ZFHX3: variants seen among roughly 807,000 people sequenced by gnomAD.
ZFHX3 encodes zinc finger homeobox protein 3.
ZFHX3 carries 42 observed loss-of-function variants against 279.1 expected under a neutral mutation model. The ratio of observed to expected loss-of-function variants is 0.15; its 90% CI spans 0.12 to 0.19. The LOEUF is 0.19. Among genes scored for constraint, ZFHX3 ranks in the 10% least tolerant of loss-of-function variants. The probability of loss-of-function intolerance (pLI) is 1.00; values close to 1 mark genes in which losing one functional copy is unlikely to be tolerated. For synonymous variants in ZFHX3, 2,293 were observed against 1,957.8 expected, an observed-to-expected ratio of 1.17 and a Z score of -4.52; for missense variants, 4,981 against 4,754.0, an observed-to-expected ratio of 1.05 and a Z score of -1.40.
chr16:72,989,409 G>T (rs945595880), intron 1 of ZFHX3, among the ~76,000 whole-genome samples: 16 of 151,744 alleles, frequency 1.1e-4, no homozygotes, highest in Admixed American at 4.6e-4. Context: ...TTGAACCCAG[G>T]AGGTGGAAGT....
chr16:73,340,971 C>T (rs528964341), intron 3 of ZFHX3, among the ~76,000 whole-genome samples: 8 of 152,050 alleles, frequency 5.3e-5, no homozygotes, highest in Admixed American at 3.3e-4. Flanking sequence ...TCAAAAGATG[C>T]GTGACAAACA....
chr16:73,795,415 T>G (rs1290872126), intron 1 of ZFHX3, among the ~76,000 whole-genome samples: 1 of 152,146 alleles, frequency 6.6e-6, no homozygotes, highest in Non-Finnish European at 1.5e-5. Context: ...CTCAGGCAGG[T>G]TGCAAACGAG....
At chr16:73,055,686 GCGCGCGCGCGCGCA>G (rs1393636667) in intron 1 of ZFHX3, among the ~76,000 whole-genome samples, 316 of 94,602 alleles carry the variant, frequency 3.3e-3, no homozygotes, top group African/African-American at 0.01. Flanking sequence ...GTACGCGCGC[GCGCGCGCGCGCGCA>G]CACACACACA....
chr16:73,126,408 G>C (rs1005551728), intron 7 of ZFHX3, among the ~76,000 whole-genome samples: 4 of 152,144 alleles, frequency 2.6e-5, no homozygotes, highest in African/African-American at 9.7e-5. Context: ...GCTAGGGGAA[G>C]CACAACAGGA....
chr16:73,182,815 TC>T (rs1858264794), intron 5 of ZFHX3, among the ~76,000 whole-genome samples: 1 of 140,592 alleles, frequency 7.1e-6, no homozygotes, highest in African/African-American at 2.7e-5. Flanking sequence ...TGCTCTCACT[TC>T]TAAGTGAGAA....
intron 4 of ZFHX3, among the ~76,000 whole-genome samples, chr16:72,876,928 G>C (rs185963414): frequency 6.6e-6 from 1 of 152,270 alleles, no homozygotes; most frequent in African/African-American, 2.4e-5. Context: ...AAGGGGAACA[G>C]AGACTTGGCG....
intron 2 of ZFHX3, among the ~76,000 whole-genome samples, chr16:73,628,939 C>A (rs971835273): frequency 6.6e-6 from 1 of 152,142 alleles, no homozygotes; most frequent in Non-Finnish European, 1.5e-5. Context: ...GTGCACCAGG[C>A]AGGCCCTTGG....
chr16:73,687,397 T>C (rs2053100106), intron 1 of ZFHX3, among the ~76,000 whole-genome samples: 1 of 148,930 alleles, frequency 6.7e-6, no homozygotes, highest in Non-Finnish European at 1.5e-5. Context: ...AAAAAAAAAG[T>C]TTCCAAACGA....
At chr16:73,059,996 C>G (rs771622306), upstream of ZFHX3, among the ~76,000 whole-genome samples, 2 of 152,044 alleles carry the variant, frequency 1.3e-5, no homozygotes, top group South Asian at 2.1e-4. Flanking sequence ...CAACTTTCTA[C>G]CTTTCTGGAC....
At chr16:73,388,145 G>A (rs929590985) in intron 3 of ZFHX3, among the ~76,000 whole-genome samples, 1 of 152,110 alleles carries the variant, frequency 6.6e-6, no homozygotes, top group Non-Finnish European at 1.5e-5. Context: ...CCCTCTCCTT[G>A]GATGTGACAA....
At chr16:73,120,048 C>T (rs1441697210) in intron 7 of ZFHX3, among the ~76,000 whole-genome samples, 1 of 152,114 alleles carries the variant, frequency 6.6e-6, no homozygotes, top group East Asian at 1.9e-4. Context: ...GAGTCTACTC[C>T]TGAAAGTTCC....
In ZFHX3 at chr16:73,000,930, C is replaced by T. The variant is rs370962333; in HGVS notation, c.-49-40736G>A. On this transcript the variant is annotated intron_variant, in intron 1 of 9. Transcript: ENST00000268489. ...TGTTCCTGACACTTGAACAAACTGT[C>T]GCCTCACTCAGTCCTTATGATCCCT... Among the ~76,000 whole-genome samples, 24 of 152,314 alleles carry T rather than the reference C, an allele frequency of 1.6e-4. No individual in the cohort carries two copies. The East Asian group carries it at 4.3e-3, about 27-fold the overall frequency.
chr16:72,811,613 G>A lies in ZFHX3; in HGVS notation c.3828C>T (p.Ser1276=), dbSNP rs939051193. ...GCTTCTCCACGCAGTCAGGTGCCAC[G>A]CTGTGGAGGTGGGTGAGGTGCAGCT... The part of the protein sequence containing the change: ...HLQLHLTHLH[S]VAPDCVEKLI... Residue 1276 remains serine, a synonymous_variant, in exon 7 of 10, where the codon AGC becomes AGT. Transcript: ENST00000268489. 9 of 1,610,164 alleles carry A rather than the reference G, an allele frequency of 5.6e-6. No homozygotes were observed. The African/African-American group carries it at 6.7e-5, about 12-fold the overall frequency.
chr16:73,063,520 C>T (rs1597144597), upstream of ZFHX3, among the ~76,000 whole-genome samples: 2 of 152,184 alleles, frequency 1.3e-5, no homozygotes, highest in East Asian at 3.9e-4. Context: ...TAAGGTTAAG[C>T]CACTGTGCCC....
chr16:73,372,445 A>C (rs1386841250), intron 3 of ZFHX3, among the ~76,000 whole-genome samples: 2 of 152,226 alleles, frequency 1.3e-5, no homozygotes. Flanking sequence ...AACGTATTTG[A>C]ATTCCCCCAA....
intron 7 of ZFHX3, among the ~76,000 whole-genome samples, chr16:73,114,495 G>A (rs1272881934): frequency 6.6e-6 from 1 of 151,638 alleles, no homozygotes; most frequent in East Asian, 2.0e-4. Context: ...GGGCAACATA[G>A]TGAGACCCCC....
In ZFHX3 at chr16:73,463,806, C is replaced by T. The variant is rs570836343; in HGVS notation, c.-1546-7548G>A. ...TATGCAGTGCACTAAACAGAAGGGG[C>T]GTTCGTTACAGCAAGAGCAAGGGCA... On this transcript the variant is annotated intron_variant, in intron 2 of 17. Transcript: ENST00000641206. 3.3e-5 allele frequency among the ~76,000 whole-genome samples: 5 copies of T among 152,246 alleles called. No individual in the cohort carries two copies. In the East Asian group the frequency reaches 7.7e-4, roughly 24 times the overall value.
intron 7 of ZFHX3, among the ~76,000 whole-genome samples, chr16:73,097,187 G>A (rs1479385889): frequency 2.0e-5 from 3 of 151,626 alleles, no homozygotes; most frequent in Non-Finnish European, 4.4e-5. Context: ...CCAAGTAGCT[G>A]GGACTAGAGG....
intron 1 of ZFHX3, among the ~76,000 whole-genome samples, chr16:72,991,939 C>T (rs1404297149): frequency 6.6e-6 from 1 of 152,146 alleles, no homozygotes; most frequent in African/African-American, 2.4e-5. Context: ...CGGGATGATG[C>T]TAAGGTGGGT....
Sources: gnomAD v4.1 joint callset for allele counts (sites outside exome capture counted in the v4.1 genomes callset) on GRCh38, gnomAD v4.1.1 for gene constraint, MANE v1.5 for transcripts, NCBI Gene and HGNC (gene_info 2026-07-23, HGNC 2026-07-21) for gene names.